Variants in NRCAM observed in about 807,000 individuals in gnomAD.
NRCAM encodes the protein neuronal cell adhesion molecule.
NRCAM carries 83 observed loss-of-function variants against 156.5 expected under a neutral mutation model. The observed-to-expected ratio is 0.53, with a 90% CI of 0.44 to 0.64. The LOEUF is 0.64. NRCAM is among the 30% of genes least tolerant of loss of function. The pLI is 0.00. For missense variants in NRCAM, 1,417 were observed against 1,597.3 expected (o/e 0.89, Z 1.92); for synonymous variants, 538 against 563.9 (o/e 0.95, Z 0.65).
At chr7:108,331,648 G>A (rs956841907) in intron 2 of NRCAM, among the ~76,000 whole-genome samples, 2 of 152,260 alleles carry the variant, frequency 1.3e-5, no homozygotes, top group South Asian at 4.1e-4. Context: ...TGCTATGTAA[G>A]TATTTCTTTT....
At chr7:108,375,901 A>C (rs1464848353) in intron 2 of NRCAM, among the ~76,000 whole-genome samples, 2 of 152,204 alleles carry the variant, frequency 1.3e-5, no homozygotes, top group Non-Finnish European at 1.5e-5. Context: ...TACCTGAAAG[A>C]ATCTAAGTTA....
intron 3 of NRCAM, among the ~76,000 whole-genome samples, chr7:108,304,922 T>G (rs560875741): frequency 1.1e-3 from 166 of 152,350 alleles, no homozygotes; most frequent in Non-Finnish European, 1.9e-3. Context: ...TCTATTATAA[T>G]GTAGGTATTT....
intron 2 of NRCAM, among the ~76,000 whole-genome samples, chr7:108,378,737 C>G (rs78606692): frequency 0.032 from 4,408 of 137,178 alleles, 215 homozygotes; most frequent in African/African-American, 0.11. Context: ...CCAAAGGCAA[C>G]GAAAAAACCT....
intron 3 of NRCAM, among the ~76,000 whole-genome samples, chr7:108,265,465 T>C (rs774117139): frequency 9.8e-5 from 15 of 152,320 alleles, no homozygotes; most frequent in Non-Finnish European, 1.6e-4. Flanking sequence ...CCTCCATGTC[T>C]TTCTCCATCA....
At chr7:108,283,438 T>C (rs1259212353) in intron 3 of NRCAM, among the ~76,000 whole-genome samples, 3 of 152,208 alleles carry the variant, frequency 2.0e-5, no homozygotes, top group Non-Finnish European at 4.4e-5. Flanking sequence ...TTAGTCACAA[T>C]TGAAGGTGAT....
At chr7:108,338,722 C>T (rs1023665210) in intron 2 of NRCAM, among the ~76,000 whole-genome samples, 16 of 152,076 alleles carry the variant, frequency 1.1e-4, no homozygotes, top group African/African-American at 3.6e-4. Context: ...AAAAAGTGTG[C>T]CCTATTCCTT....
At chr7:108,282,507 G>A (rs933315482) in intron 3 of NRCAM, among the ~76,000 whole-genome samples, 1 of 152,068 alleles carries the variant, frequency 6.6e-6, no homozygotes, top group Non-Finnish European at 1.5e-5. Context: ...TTGGTACTTG[G>A]AACAATGTTA....
chr7:108,318,221 A>C (rs2098955278), intron 2 of NRCAM, among the ~76,000 whole-genome samples: 1 of 151,138 alleles, frequency 6.6e-6, no homozygotes, highest in South Asian at 2.1e-4. Flanking sequence ...AATTTTTTGC[A>C]TTTTTAGTAG....
rs1020936224 is a variant in NRCAM, at chr7:108,259,841, C to A, written c.-106-19671G>T. On this transcript the variant is annotated intron_variant, in intron 3 of 32. Coordinates refer to ENST00000379028, the MANE Select transcript of NRCAM (RefSeq NM_001037132.4). ...AGGAACAACACACACTGGGGCCTGT[C>A]GGCGGGTGGAGGGAGAGAGAGCATC... Among the ~76,000 whole-genome samples, 5 of 152,120 alleles carry A rather than the reference C, an allele frequency of 3.3e-5. No homozygotes were observed. In the East Asian group the frequency reaches 7.8e-4, roughly 24 times the overall value.
intron 3 of NRCAM, among the ~76,000 whole-genome samples, chr7:108,304,874 A>G (rs1162368208): frequency 6.6e-6 from 1 of 152,200 alleles, no homozygotes; most frequent in Non-Finnish European, 1.5e-5. Context: ...AGGCAGCTAC[A>G]TTACAAAAAA....
At chr7:108,244,077 G>A (rs2095728095) in intron 3 of NRCAM, among the ~76,000 whole-genome samples, 1 of 152,062 alleles carries the variant, frequency 6.6e-6, no homozygotes, top group Admixed American at 6.6e-5. Context: ...TCTTTAGAAG[G>A]AAAATAAAAC....
At chr7:108,183,832 G>C (rs1399542852) in intron 22 of NRCAM, among the ~76,000 whole-genome samples, 1 of 152,146 alleles carries the variant, frequency 6.6e-6, no homozygotes. Flanking sequence ...ACTGGCCCCA[G>C]GTGGTTCTTT....
chr7:108,406,197 T>C (rs1277606261), intron 1 of NRCAM, among the ~76,000 whole-genome samples: 1 of 151,892 alleles, frequency 6.6e-6, no homozygotes, highest in Admixed American at 6.6e-5. Flanking sequence ...CAGTAAATAA[T>C]GACCTCATTG....
rs375852717 is a variant in NRCAM, at chr7:108,297,625, A to C, written c.-107+15040T>G. Among the ~76,000 whole-genome samples, 4 of 152,330 alleles carry C rather than the reference A, an allele frequency of 2.6e-5. No individual in the cohort carries two copies. In the South Asian group the frequency reaches 6.2e-4, roughly 24 times the overall value. Reference sequence around the variant, plus strand: ...GGTGCTGGGATACATTCATGAACACAATAGTCCAAAGTTTCTGTCCTCACA... The same window carrying C: ...GGTGCTGGGATACATTCATGAACACCATAGTCCAAAGTTTCTGTCCTCACA... On this transcript the variant is annotated intron_variant, in intron 3 of 32. Transcript: ENST00000379028.
intron 17 of NRCAM, 95 bp from the exon 18 acceptor site, chr7:108,191,948 A>G (rs2071978242): frequency 7.1e-7 from 1 of 1,416,482 alleles, no homozygotes; most frequent in Non-Finnish European, 9.6e-7. Flanking sequence ...AATTTGATAA[A>G]GGAGAAAGAT....
chr7:108,329,830 C>T (rs2099108536), intron 2 of NRCAM, among the ~76,000 whole-genome samples: 1 of 152,174 alleles, frequency 6.6e-6, no homozygotes, highest in Admixed American at 6.5e-5. Flanking sequence ...TCTGCACATC[C>T]ATTTCTCTGC....
intron 30 of NRCAM, among the ~76,000 whole-genome samples, chr7:108,163,012 C>T (rs879758913): frequency 6.6e-6 from 1 of 152,108 alleles, no homozygotes; most frequent in South Asian, 2.1e-4. Context: ...CACACATACA[C>T]ACACATGCGC....
chr7:108,244,126 A>G (rs1344785855), intron 3 of NRCAM, among the ~76,000 whole-genome samples: 1 of 152,162 alleles, frequency 6.6e-6, no homozygotes, highest in Non-Finnish European at 1.5e-5. Context: ...AATTATTTTA[A>G]TGAAAAAAAT....
Position 108,441,259 on chromosome 7 carries a change from A to T in NRCAM, c.-332+14984T>A, listed in dbSNP as rs1395660904. On this transcript the variant is annotated intron_variant, in intron 1 of 32. Coordinates refer to ENST00000379028, the MANE Select transcript of NRCAM (RefSeq NM_001037132.4). ...TACTATGTAACACTTGGACCCCCCA[A>T]CATATAAACAAAATTTTAAAACTAA... is the stretch of plus-strand genomic sequence containing the variant. 2.0e-5 allele frequency among the ~76,000 whole-genome samples: 3 copies of T among 152,242 alleles called. No individual in the cohort carries two copies. The East Asian group carries it at 5.8e-4, about 29-fold the overall frequency.
Sources: gnomAD v4.1 joint callset for allele counts (sites outside exome capture counted in the v4.1 genomes callset) on GRCh38, gnomAD v4.1.1 for gene constraint, MANE v1.5 for transcripts, NCBI Gene and HGNC (gene_info 2026-07-23, HGNC 2026-07-21) for gene names.